The following CDK10 variants were observed in gnomAD, a reference collection of about 807,000 sequenced individuals.
CDK10 encodes cyclin dependent kinase 10, also known as cyclin-dependent kinase 10.
CDK10 carries 55 observed loss-of-function variants against 51.0 expected under a neutral mutation model. The ratio of observed to expected loss-of-function variants is 1.08; its 90% CI spans 0.87 to 1.35. The LOEUF (loss-of-function observed/expected upper bound fraction) is 1.35, where lower values mean the gene tolerates loss of function less well. CDK10 is among the 40% of genes most tolerant of loss of function. The pLI, the probability that CDK10 is intolerant of heterozygous loss-of-function variation, is 0.00. For missense variants in CDK10, 589 were observed against 485.1 expected (o/e 1.21, Z -2.01); for synonymous variants, 255 against 199.1 (o/e 1.28, Z -2.36).
intron 2 of CDK10, chr16:89,689,651 A>G: frequency 3.4e-6 from 1 of 291,598 alleles, no homozygotes; most frequent in Admixed American, 4.7e-5. Flanking sequence ...TCACCTCAGC[A>G]ACTCTGGAGG....
intron 6 of CDK10, among the ~76,000 whole-genome samples, chr16:89,692,962 C>T (rs999693630): frequency 1.3e-5 from 2 of 151,832 alleles, no homozygotes; most frequent in African/African-American, 4.8e-5. Flanking sequence ...ACAGTGAAAC[C>T]CCATCTCTAC....
rs539375824 is a variant in CDK10 at position 89,694,734 on chromosome 16, C to T, written c.738C>T (p.His246=). 1.3e-5 allele frequency: 21 copies of T among 1,578,728 alleles called. No individual in the cohort carries two copies. The Admixed American group carries it at 1.8e-4, about 14-fold the overall frequency. The change falls in exon 10 of 13, where the codon CAC becomes CAT. Residue 246 remains histidine, a synonymous_variant. Transcript: ENST00000353379. The part of the protein sequence containing the change: ...RPLLPGTSEI[H]QIDLIVQLLG... ...TTCTCCCCGGCACTTCCGAGATCCA[C>T]CAGATCGACTTGATCGTGCAGCTGC...
At chr16:89,694,554 GC>G in intron 9 of CDK10, 110 bp from the exon 10 acceptor site, 1 of 1,520,024 alleles carries the variant, frequency 6.6e-7, no homozygotes, top group Non-Finnish European at 8.8e-7. Context: ...GACCCAGCGT[GC>G]CTCACACTGG....
At chr16:89,691,381 T>G in intron 3 of CDK10, 62 bp from the exon 4 acceptor site, 2 of 1,264,838 alleles carry the variant, frequency 1.6e-6, no homozygotes, top group Non-Finnish European at 2.2e-6. Flanking sequence ...CAAGAGTGGC[T>G]GGGGTTGGGG....
At chr16:89,688,891 A>G (rs1354118247) in intron 1 of CDK10, among the ~76,000 whole-genome samples, 1 of 152,220 alleles carries the variant, frequency 6.6e-6, no homozygotes, top group East Asian at 1.9e-4. Context: ...ACTTGAGGTC[A>G]GGAGCTCAAG....
chr16:89,692,076 C>A, intron 5 of CDK10, 189 bp downstream of exon 5: 1 of 616,586 alleles, frequency 1.6e-6, no homozygotes, highest in Non-Finnish European at 2.8e-6. Flanking sequence ...AGCGGGCAGC[C>A]CCAGGGCCGA....
intron 6 of CDK10, among the ~76,000 whole-genome samples, chr16:89,692,917 C>T (rs538615531): frequency 5.3e-5 from 8 of 151,472 alleles, no homozygotes; most frequent in African/African-American, 1.7e-4. Context: ...GCAGGCGGAT[C>T]ACGAGGTCAG....
Position 89,694,536 on chromosome 16 carries a change from G to T in CDK10, c.669-129G>T, listed in dbSNP as rs778169980. The T allele has an allele frequency of 7.4e-6, 11 of 1,488,138 alleles. No homozygotes were observed. In the African/African-American group the frequency reaches 1.4e-4, roughly 19 times the overall value. 92.2% of individuals were successfully genotyped at this position (1,488,138 alleles called of 1,614,324 possible). The stretch of plus-strand genomic sequence containing the variant: ...CAGTGGTCCCTGCCTGTCCTTCACA[G>T]TGTCCCTGACCCAGCGTGCCTCACA... On this transcript the variant is annotated intron_variant, in intron 9 of 12. Transcript: ENST00000353379.
At chr16:89,687,734 G>T in intron 1 of CDK10, 1 of 376,678 alleles carries the variant, frequency 2.7e-6, no homozygotes, top group South Asian at 1.9e-5. Flanking sequence ...AGCCTGGCCT[G>T]GCATTTCTTT....
rs771639626 is a variant in CDK10, at chr16:89,693,255, C to T, written c.486-19C>T. The T allele has an allele frequency of 1.1e-5, 18 of 1,613,876 alleles. No homozygotes were observed. In the East Asian group the frequency reaches 2.7e-4, roughly 24 times the overall value. ...CTGTGGCCCTCTGGGAGCCACCTGC[C>T]ACTGTTTTTCCATCACAGGGACCTG... is the stretch of plus-strand genomic sequence containing the variant. On this transcript the variant is annotated intron_variant, in intron 6 of 12. Coordinates refer to ENST00000353379, the MANE Select transcript of CDK10 (RefSeq NM_052988.5).
chr16:89,691,391 G>A, intron 3 of CDK10, 52 bp from the exon 4 acceptor site: 3 of 1,389,350 alleles, frequency 2.2e-6, no homozygotes, highest in Non-Finnish European at 3.0e-6. Context: ...TGGGGTTGGG[G>A]CTTCCCCGCC....
In CDK10 at chr16:89,691,866, A is replaced by G. The variant is rs908680485; in HGVS notation, c.396A>G (p.Pro132=). 6.2e-7 allele frequency: 1 copy of G among 1,613,770 alleles called. No homozygotes were observed. Among genetic ancestry groups the G allele is most frequent in the Admixed American group, 1.7e-5 (1 of 59,970 alleles). Residue 132 remains proline (P), a synonymous_variant, in exon 5 of 13, where the codon CCA becomes CCG. Transcript: ENST00000353379. ...TGGCCAGCCTCCTGGAGAATATGCC[A>G]ACACCCTTCTCGGAGGCTCAGGTGC... ...QDLASLLENM[P]TPFSEAQVKC...
rs1454776329 is a variant in CDK10, at chr16:89,695,852, C to T, written c.*160C>T. ...ACTTCCTCCCACTGTCTGCCCTGAA[C>T]CCACTGCTGCCCCCAGAAAAAGGCC... On this transcript the variant is annotated 3_prime_UTR_variant, in exon 13 of 13. Transcript: ENST00000353379. 1.9e-5 allele frequency: 28 copies of T among 1,484,620 alleles called. No individual in the cohort carries two copies. The highest frequency in any genetic ancestry group is 2.2e-5 in the Non-Finnish European group (24 of 1,099,336). 92.0% of individuals were successfully genotyped at this position (1,484,620 alleles called of 1,614,324 possible).
At position 89,693,183 on chromosome 16, in the gene CDK10, G is replaced by A. The variant is rs1011008756; in HGVS notation, c.486-91G>A. 226 of 1,075,358 alleles carry A rather than the reference G, an allele frequency of 2.1e-4. No homozygotes were observed. The African/African-American group carries it at 2.2e-3, about 10-fold the overall frequency. 66.6% of individuals were successfully genotyped at this position (1,075,358 alleles called of 1,614,324 possible). On this transcript the variant is annotated intron_variant, in intron 6 of 12. Coordinates refer to ENST00000353379, the MANE Select transcript of CDK10 (RefSeq NM_052988.5). ...CTAAAAAGCCCAAAGCTGAGGAAAC[G>A]TGCAGGAAGTCTACGGGCATTGGTG... is the stretch of plus-strand genomic sequence containing the variant.
At position 89,690,382 on chromosome 16, in the gene CDK10, G is replaced by A. The variant is rs62068363; in HGVS notation, c.161-171G>A. 3,723 of 630,652 alleles carry A rather than the reference G, an allele frequency of 5.9e-3. 14 individuals carry two copies. Among genetic ancestry groups the A allele is most frequent in the Middle Eastern group, 0.015 (36 of 2,334 alleles). The allele number at this position is 630,652 out of a possible 1,614,324, so 39.1% of individuals were successfully genotyped here. ...AAATGAGGAAACCCTCCGGGGGAAC[G>A]CGTCTCGGGCTAGGGGCGTTGCACA... On this transcript the variant is annotated intron_variant, in intron 2 of 12. Coordinates refer to ENST00000353379, the MANE Select transcript of CDK10 (RefSeq NM_052988.5).
Position 89,686,786 on chromosome 16 carries a change from C to G in CDK10, c.76C>G (p.Pro26Ala), listed in dbSNP as rs766945102. 3 of 1,611,676 alleles carry G rather than the reference C, an allele frequency of 1.9e-6. No homozygotes were observed. The highest frequency in any genetic ancestry group is 2.2e-5 in the South Asian group (2 of 90,836). ...TAAGGAGGGCTTCTTCACGGTGCCT[C>G]CGGAACACAGGGTGCGCGGGGTGCC... is the stretch of plus-strand genomic sequence containing the variant. ...IRKEGFFTVP[P>A]EHRLGRCRSV... Residue 26 changes from proline to alanine, a missense_variant, in exon 1 of 13, where the codon CCG (proline) becomes GCG (alanine). By Grantham distance (27) the Pro-to-Ala change is conservative. Transcript: ENST00000353379.
intron 10 of CDK10, 43 bp downstream of exon 10, chr16:89,694,831 GCC>G: frequency 2.6e-6 from 3 of 1,172,482 alleles, no homozygotes; most frequent in Middle Eastern, 3.4e-4. Context: ...CCGTGCCCAC[GCC>G]CTCTGCGCCC....
Position 89,691,514 on chromosome 16 carries a change from A to G in CDK10, c.304A>G (p.Lys102Glu), listed in dbSNP as rs1189049524. 6.2e-7 allele frequency: 1 copy of G among 1,613,804 alleles called. No homozygotes were observed. Among genetic ancestry groups the G allele is most frequent in the Non-Finnish European group, 8.5e-7 (1 of 1,179,896 alleles). The part of the protein sequence containing the change: ...RLRHPNIVEL[K>E]EVVVGNHLES... ...GCGTCATCCGAACATCGTGGAGCTG[A>G]AGGAGGTGGTTGTGGGGAACCACCT... Residue 102 changes from lysine to glutamate, a missense_variant, in exon 4 of 13, where the codon AAG becomes GAG. Transcript: ENST00000353379.
In CDK10 at chr16:89,695,645, G is replaced by A; in HGVS notation, c.1036G>A (p.Ala346Thr). Reference protein sequence around the residue: ...PTFPHHRNKRAAPATSEGQSK... With the variant: ...PTFPHHRNKRTAPATSEGQSK... Reference sequence around the variant, plus strand: ...CTTTCCCCACCACCGCAACAAGCGGGCCGCCCCAGCCACCTCCGAGGGCCA... The same window carrying A: ...CTTTCCCCACCACCGCAACAAGCGGACCGCCCCAGCCACCTCCGAGGGCCA... Residue 346 changes from alanine to threonine, a missense_variant, in exon 13 of 13, where the codon GCC (alanine) becomes ACC (threonine). Transcript: ENST00000353379. The A allele has an allele frequency of 1.2e-6, 2 of 1,604,394 alleles. No individual in the cohort carries two copies. The highest frequency in any genetic ancestry group is 8.5e-7 in the Non-Finnish European group (1 of 1,177,290).
Sources: allele counts gnomAD v4.1 joint callset (sites outside exome capture counted in the v4.1 genomes callset), GRCh38; gene constraint gnomAD v4.1.1; transcripts MANE v1.5; gene names NCBI Gene and HGNC (gene_info 2026-07-23, HGNC 2026-07-21).